Variants in DNAH5 observed in about 807,000 individuals in gnomAD.
The protein encoded by DNAH5 is dynein axonemal heavy chain 5.
A neutral mutation model predicts 518.2 loss-of-function variants in DNAH5; 372 were observed. The observed-to-expected ratio is 0.72, with a 90% confidence interval of 0.66 to 0.78. The LOEUF is 0.78. Ranked by LOEUF, DNAH5 falls within the 30% of genes least tolerant of loss-of-function variation. The probability of loss-of-function intolerance (pLI) is 0.00; values close to 1 mark genes in which losing one functional copy is unlikely to be tolerated. For synonymous variants in DNAH5, 2,039 were observed against 2,025.9 expected, an observed-to-expected ratio of 1.01 and a Z score of -0.17; for missense variants, 5,523 against 5,687.0, an observed-to-expected ratio of 0.97 and a Z score of 0.93.
intron 1 of DNAH5, among the ~76,000 whole-genome samples, chr5:13,971,958 G>A (rs544952638): frequency 1.3e-5 from 2 of 152,242 alleles, no homozygotes; most frequent in African/African-American, 2.4e-5. Flanking sequence ...AGTGTTAGGC[G>A]TGTCTGAGCT....
At chr5:13,843,812 A>T (rs368042906) in intron 32 of DNAH5, among the ~76,000 whole-genome samples, 3 of 152,278 alleles carry the variant, frequency 2.0e-5, no homozygotes, top group South Asian at 2.1e-4. Flanking sequence ...CCTCCCGGAC[A>T]CCCCCATACA....
At chr5:13,936,564 A>G (rs1261780642) in intron 1 of DNAH5, among the ~76,000 whole-genome samples, 1 of 152,186 alleles carries the variant, frequency 6.6e-6, no homozygotes, top group Non-Finnish European at 1.5e-5. Context: ...ACCTTATAGA[A>G]ATGAAGATAA....
intron 30 of DNAH5, among the ~76,000 whole-genome samples, chr5:13,851,077 A>C (rs1766771467): frequency 1.3e-5 from 2 of 152,258 alleles, no homozygotes; most frequent in Admixed American, 6.5e-5. Flanking sequence ...ATACAAAAGT[A>C]ATAATACAAT....
intron 75 of DNAH5, among the ~76,000 whole-genome samples, 165 bp downstream of exon 75, chr5:13,714,240 A>C (rs1391224998): frequency 6.6e-6 from 1 of 152,216 alleles, no homozygotes; most frequent in Non-Finnish European, 1.5e-5. Flanking sequence ...TGTTACATTC[A>C]TGGAGGCAAA....
chr5:13,804,140 A>C lies in DNAH5; in HGVS notation c.7887+3451T>G, dbSNP rs1561302174. On this transcript the variant is annotated intron_variant, in intron 47 of 78. Transcript: ENST00000265104. ...GGGGAAAAATGAGGAATCTTTCTTAAAAAATGGACTAAATTCCCTTAGCCA... is the reference window on the plus strand; with the variant it reads ...GGGGAAAAATGAGGAATCTTTCTTACAAAATGGACTAAATTCCCTTAGCCA... Among the ~76,000 whole-genome samples, 3 of 152,224 alleles carry C rather than the reference A, an allele frequency of 2.0e-5. No individual in the cohort carries two copies. In the South Asian group the frequency reaches 6.2e-4, roughly 31 times the overall value.
intron 55 of DNAH5, among the ~76,000 whole-genome samples, chr5:13,774,569 G>C (rs1753806112): frequency 6.6e-6 from 1 of 152,108 alleles, no homozygotes; most frequent in African/African-American, 2.4e-5. Context: ...TCTTGTGTCT[G>C]TTGACAAGTC....
chr5:14,002,970 A>T (rs917230281), intron 1 of DNAH5, among the ~76,000 whole-genome samples: 1 of 152,188 alleles, frequency 6.6e-6, no homozygotes, highest in Non-Finnish European at 1.5e-5. Context: ...ACTGAGCAAT[A>T]GATGTCTTTT....
intron 1 of DNAH5, among the ~76,000 whole-genome samples, chr5:14,002,029 G>T (rs1784388064): frequency 6.6e-6 from 1 of 151,958 alleles, no homozygotes; most frequent in Non-Finnish European, 1.5e-5. Flanking sequence ...CTCCTGAGTA[G>T]CTGGGACTAC....
At chr5:13,942,190 T>C (rs920569133) in intron 1 of DNAH5, among the ~76,000 whole-genome samples, 5 of 151,270 alleles carry the variant, frequency 3.3e-5, no homozygotes, top group Admixed American at 2.0e-4. Context: ...AGAAAAGATA[T>C]ATGGCTTGAC....
At chr5:13,706,610 A>G (rs1193896405) in intron 76 of DNAH5, among the ~76,000 whole-genome samples, 1 of 152,236 alleles carries the variant, frequency 6.6e-6, no homozygotes, top group African/African-American at 2.4e-5. Flanking sequence ...ATGCACACAC[A>G]AATACAGAAC....
intron 65 of DNAH5, among the ~76,000 whole-genome samples, chr5:13,738,975 T>C (rs534372443): frequency 4.6e-5 from 7 of 152,312 alleles, no homozygotes; most frequent in Non-Finnish European, 7.3e-5. Flanking sequence ...CAATTCATTA[T>C]AAGTAAAATA....
intron 17 of DNAH5, among the ~76,000 whole-genome samples, chr5:13,890,446 C>T (rs1033473992): frequency 4.6e-5 from 7 of 151,460 alleles, no homozygotes; most frequent in Non-Finnish European, 1.0e-4. Context: ...CTTCTGAGGG[C>T]CTTTATCTTA....
intron 53 of DNAH5, among the ~76,000 whole-genome samples, chr5:13,778,247 A>G (rs146573429): frequency 1.3e-5 from 2 of 152,148 alleles, no homozygotes; most frequent in Admixed American, 6.6e-5. Context: ...GAAGACACCT[A>G]AAGAAGTGAG....
At chr5:13,791,831 CAT>C (rs1757043466) in intron 50 of DNAH5, among the ~76,000 whole-genome samples, 161 bp downstream of exon 50, 1 of 152,088 alleles carries the variant, frequency 6.6e-6, no homozygotes, top group Admixed American at 6.6e-5. Context: ...CATTTTCTGA[CAT>C]AATTTATTTC....
In DNAH5 at chr5:13,901,255, C is replaced by A; in HGVS notation, c.2049G>T (p.Arg683=). The change falls in exon 14 of 79, where the codon CGG becomes CGT. Residue 683 remains arginine, a synonymous_variant. Coordinates refer to ENST00000265104, the MANE Select transcript of DNAH5 (RefSeq NM_001369.3). ...FEVLFHRAWL[R]QIEEIHVGLE... is the part of the protein sequence containing the mutation. ...GAGTATAAATTTAGGGACTCACTTG[C>A]CGAAGCCACGCCCTGTGGAAGAGGA... The A allele has an allele frequency of 6.2e-7, 1 of 1,613,496 alleles. No individual in the cohort carries two copies.
chr5:13,861,079 A>G (rs1390213682), intron 29 of DNAH5, among the ~76,000 whole-genome samples: 4 of 152,218 alleles, frequency 2.6e-5, no homozygotes, highest in Non-Finnish European at 2.9e-5. Flanking sequence ...CAATAAATAT[A>G]TATTGAAAAA....
At chr5:13,985,466 T>G (rs1468584240) in intron 1 of DNAH5, among the ~76,000 whole-genome samples, 1 of 122,394 alleles carries the variant, frequency 8.2e-6, no homozygotes, top group Non-Finnish European at 1.7e-5. Context: ...TATATATATA[T>G]AAAGCAAAGA....
intron 25 of DNAH5, among the ~76,000 whole-genome samples, chr5:13,867,434 TGAA>T (rs1451875985): frequency 2.6e-5 from 4 of 152,144 alleles, no homozygotes; most frequent in African/African-American, 9.7e-5. Context: ...TGTTGCCTTG[TGAA>T]GAAGGTGCCT....
At chr5:13,889,745 A>G (rs77033532) in intron 17 of DNAH5, among the ~76,000 whole-genome samples, 2,329 of 152,158 alleles carry the variant, frequency 0.015, 63 homozygotes, top group African/African-American at 0.052. Context: ...GGGGACGGTG[A>G]GCTCCGGGCA....
Sources: allele counts gnomAD v4.1 joint callset (sites outside exome capture counted in the v4.1 genomes callset), GRCh38; gene constraint gnomAD v4.1.1; transcripts MANE v1.5; gene names NCBI Gene and HGNC (gene_info 2026-07-23, HGNC 2026-07-21).